Variants in MACROH2A2 observed in about 807,000 individuals in gnomAD.
MACROH2A2 encodes macroH2A.2 histone, also known as core histone macro-H2A.2.
A neutral mutation model predicts 37.6 loss-of-function variants in MACROH2A2; 6 were observed. That is an observed-to-expected ratio of 0.16 (90% CI 0.09 to 0.32). The LOEUF (loss-of-function observed/expected upper bound fraction) is 0.32, where lower values mean the gene tolerates loss of function less well. Ranked by LOEUF, MACROH2A2 falls within the 10% of genes least tolerant of loss-of-function variation. MACROH2A2 has a pLI of 1.00. For synonymous variants in MACROH2A2, 192 were observed against 202.7 expected (o/e 0.95, Z 0.45); for missense variants, 290 against 485.9 (o/e 0.60, Z 3.79).
chr10:70,074,696 A>C (rs1374693687), intron 1 of MACROH2A2, among the ~76,000 whole-genome samples: 1 of 152,166 alleles, frequency 6.6e-6, no homozygotes, highest in African/African-American at 2.4e-5. Flanking sequence ...GGTTTATAAG[A>C]GGAAACCCCT....
rs767276006 is a variant in MACROH2A2, at chr10:70,109,202, C to A, written c.948C>A (p.Ser316Arg). 1 of 1,613,520 alleles carries A rather than the reference C, an allele frequency of 6.2e-7. No individual in the cohort carries two copies. Among genetic ancestry groups the A allele is most frequent in the South Asian group, 1.1e-5 (1 of 91,050 alleles). ...CCGTCGCGTTCCCGCCTTTCCCCAG[C>A]GGCAGGTAAGATGCAGTTCCCCTGA... ...LKSVAFPPFP[S>R]GRNCFPKQTA... is the part of the protein sequence containing the mutation. Residue 316 changes from serine to arginine, a missense_variant, in exon 8 of 9, where the codon AGC becomes AGA. By Grantham distance (110) the Ser-to-Arg change is moderately radical. This residue lies in a region of MACROH2A2 where 130 missense variants were observed against 257.1 expected (regional missense o/e 0.51). Coordinates refer to ENST00000373255, the MANE Select transcript of MACROH2A2 (RefSeq NM_018649.3).
intron 8 of MACROH2A2, among the ~76,000 whole-genome samples, chr10:70,111,128 G>C (rs1017514894): frequency 1.4e-4 from 21 of 152,046 alleles, no homozygotes; most frequent in African/African-American, 4.3e-4. Context: ...AATTAGCCAG[G>C]CATGATGGTG....
At chr10:70,077,520 G>T (rs2072146646) in intron 2 of MACROH2A2, among the ~76,000 whole-genome samples, 1 of 152,040 alleles carries the variant, frequency 6.6e-6, no homozygotes, top group African/African-American at 2.4e-5. Context: ...GTTGGAGGTT[G>T]CAGTGAGCTG....
At chr10:70,083,577 G>T (rs1351392144) in intron 2 of MACROH2A2, among the ~76,000 whole-genome samples, 1 of 151,940 alleles carries the variant, frequency 6.6e-6, no homozygotes, top group Non-Finnish European at 1.5e-5. Context: ...GAGAAGGCTG[G>T]GGACAACACA....
At chr10:70,092,306 G>C (rs1017099735) in intron 4 of MACROH2A2, among the ~76,000 whole-genome samples, 2 of 152,186 alleles carry the variant, frequency 1.3e-5, no homozygotes, top group African/African-American at 4.8e-5. Flanking sequence ...AGTGGCTCAT[G>C]CCTGTAATCC....
rs942748657 is a variant in MACROH2A2 at position 70,111,508 on chromosome 10, T to C, written c.954-10T>C. 1 of 1,610,394 alleles carries C rather than the reference T, an allele frequency of 6.2e-7. No individual in the cohort carries two copies. The highest frequency in any genetic ancestry group is 8.5e-7 in the Non-Finnish European group (1 of 1,178,494). ...AAAATGACATCGGCTCTTCTTTTGC[T>C]TTGGCACAGAAACTGCTTTCCCAAA... On this transcript the variant is annotated splice_polypyrimidine_tract_variant and intron_variant, in intron 8 of 8. Transcript: ENST00000373255.
At position 70,091,859 on chromosome 10, in the gene MACROH2A2, C is replaced by G. The variant is rs772194842; in HGVS notation, c.382C>G (p.Leu128Val). The G allele has an allele frequency of 3.1e-6, 5 of 1,613,832 alleles. No homozygotes were observed. The Admixed American group carries it at 8.3e-5, about 27-fold the overall frequency. ...GACCAAAGGCAAGTCGGAAACGATCCTCTCCCCACCCCCAGAGAAAAGAGG... is the reference window on the plus strand; with the variant it reads ...GACCAAAGGCAAGTCGGAAACGATCGTCTCCCCACCCCCAGAGAAAAGAGG... ...RGTKGKSETI[L>V]SPPPEKRGRK... The change falls in exon 4 of 9, where the codon CTC becomes GTC. Residue 128 changes from leucine (L) to valine (V), a missense_variant. Transcript: ENST00000373255.
intron 1 of MACROH2A2, among the ~76,000 whole-genome samples, chr10:70,065,461 T>A (rs1208025478): frequency 6.6e-6 from 1 of 151,978 alleles, no homozygotes; most frequent in African/African-American, 2.4e-5. Context: ...AAGATGAAAA[T>A]CAATCAATAA....
chr10:70,091,337 G>T (rs1344988029), intron 3 of MACROH2A2, among the ~76,000 whole-genome samples: 1 of 152,206 alleles, frequency 6.6e-6, no homozygotes, highest in Non-Finnish European at 1.5e-5. Context: ...GGTGTATTAC[G>T]CAGTTTCTTT....
intron 1 of MACROH2A2, among the ~76,000 whole-genome samples, chr10:70,055,286 G>T (rs12268042): frequency 2.6e-5 from 4 of 152,206 alleles, no homozygotes; most frequent in African/African-American, 7.2e-5. Flanking sequence ...TCAACCTTAA[G>T]AAATAACCTC....
intron 1 of MACROH2A2, among the ~76,000 whole-genome samples, chr10:70,054,634 A>G (rs1458702228): frequency 6.6e-6 from 1 of 152,228 alleles, no homozygotes. Context: ...GTTTTGAACC[A>G]CAAACTAAGC....
chr10:70,079,557 G>A (rs911907934), intron 2 of MACROH2A2, among the ~76,000 whole-genome samples: 54 of 108,632 alleles, frequency 5.0e-4, no homozygotes, highest in African/African-American at 2.1e-3. Flanking sequence ...GGGTTCGCGC[G>A]CGCGCGCGCA....
At chr10:70,077,979 G>A (rs552710472) in intron 2 of MACROH2A2, among the ~76,000 whole-genome samples, 1 of 152,210 alleles carries the variant, frequency 6.6e-6, no homozygotes, top group African/African-American at 2.4e-5. Flanking sequence ...ACTCCCTCAC[G>A]CCCTCGACCT....
At chr10:70,095,471 G>A (rs2072269906) in intron 5 of MACROH2A2, among the ~76,000 whole-genome samples, 183 bp from the exon 6 acceptor site, 1 of 152,112 alleles carries the variant, frequency 6.6e-6, no homozygotes, top group South Asian at 2.1e-4. Context: ...CAAATCCACT[G>A]AGCTCAAAGA....
At chr10:70,079,359 G>A (rs377135789) in intron 2 of MACROH2A2, among the ~76,000 whole-genome samples, 5 of 151,946 alleles carry the variant, frequency 3.3e-5, no homozygotes, top group African/African-American at 1.2e-4. Flanking sequence ...ATTCAGACTG[G>A]GGGGGCGGGT....
chr10:70,057,506 A>T lies in MACROH2A2; in HGVS notation c.-60+4506A>T, dbSNP rs192254939. On this transcript the variant is annotated intron_variant, in intron 1 of 8. Transcript: ENST00000373255. Reference sequence around the variant, plus strand: ...GAGACTACAGGATTAGACCGAGGGGATCTGAAAGTGCCCAGCCTTGGGAAA... The same window carrying T: ...GAGACTACAGGATTAGACCGAGGGGTTCTGAAAGTGCCCAGCCTTGGGAAA... 2.0e-5 allele frequency among the ~76,000 whole-genome samples: 3 copies of T among 152,308 alleles called. No individual in the cohort carries two copies. The East Asian group carries it at 5.8e-4, about 29-fold the overall frequency.
chr10:70,110,909 A>C (rs1455004256), intron 8 of MACROH2A2, among the ~76,000 whole-genome samples: 1 of 151,980 alleles, frequency 6.6e-6, no homozygotes, highest in Non-Finnish European at 1.5e-5. Context: ...CTAATTTAAA[A>C]AAAGTATAAT....
chr10:70,075,669 G>C lies in MACROH2A2; in HGVS notation c.11G>C (p.Arg4Pro). 1 of 1,614,124 alleles carries C rather than the reference G, an allele frequency of 6.2e-7. No homozygotes were observed. The highest frequency in any genetic ancestry group is 8.5e-7 in the Non-Finnish European group (1 of 1,179,980). The change falls in exon 2 of 9, where the codon CGG (arginine) becomes CCG (proline). Residue 4 changes from arginine to proline, a missense_variant. Physicochemically the swap from Arg to Pro is moderately radical, Grantham distance 103. This residue lies in a region of MACROH2A2 where 83 missense variants were observed against 159.9 expected (regional missense o/e 0.52). Transcript: ENST00000373255. The surrounding 1 kb of genome is among the most constrained non-coding windows in gnomAD (Gnocchi z 5.0). The stretch of plus-strand genomic sequence containing the variant: ...GGAAACTGAAGCAAGATGTCGGGCC[G>C]GAGTGGGAAGAAGAAAATGTCCAAG... MSG[R>P]SGKKKMSKLS... is the part of the protein sequence containing the mutation.
intron 2 of MACROH2A2, among the ~76,000 whole-genome samples, chr10:70,076,084 C>G (rs1048666675): frequency 6.6e-6 from 1 of 152,144 alleles, no homozygotes; most frequent in Non-Finnish European, 1.5e-5. Context: ...AGTGGCCCTC[C>G]TAGACCAGTC....
Sources: allele counts gnomAD v4.1 joint callset (sites outside exome capture counted in the v4.1 genomes callset), GRCh38; gene constraint gnomAD v4.1.1; regional missense constraint gnomAD v4.1.1; non-coding constraint Gnocchi (gnomAD v3.1); transcripts MANE v1.5; gene names NCBI Gene and HGNC (gene_info 2026-07-23, HGNC 2026-07-21).